Variants in PLXNA4 observed in about 807,000 individuals in gnomAD.
PLXNA4 encodes plexin A4.
PLXNA4 carries 44 observed loss-of-function variants against 191.8 expected under a neutral mutation model. That is an observed-to-expected ratio of 0.23 (90% CI 0.18 to 0.29). The LOEUF (loss-of-function observed/expected upper bound fraction) is 0.29, where lower values mean the gene tolerates loss of function less well. PLXNA4 is among the 10% of genes least tolerant of loss of function. The probability of loss-of-function intolerance (pLI) is 1.00; values close to 1 mark genes in which losing one functional copy is unlikely to be tolerated. For missense variants in PLXNA4, 1,800 were observed against 2,488.8 expected, an observed-to-expected ratio of 0.72 and a Z score of 5.89; for synonymous variants, 1,082 against 1,009.5, an observed-to-expected ratio of 1.07 and a Z score of -1.36.
chr7:132,346,251 G>T (rs2116774839), intron 3 of PLXNA4, among the ~76,000 whole-genome samples: 1 of 152,322 alleles, frequency 6.6e-6, no homozygotes, highest in Non-Finnish European at 1.5e-5. Flanking sequence ...ATATGTCATA[G>T]CTTTAATGAA....
At chr7:132,295,811 C>G (rs1405344449) in intron 4 of PLXNA4, among the ~76,000 whole-genome samples, 1 of 152,166 alleles carries the variant, frequency 6.6e-6, no homozygotes, top group Admixed American at 6.5e-5. Flanking sequence ...AAACAAGAGT[C>G]TCTCCATTTA....
At chr7:132,254,989 CA>C (rs1799384515) in intron 4 of PLXNA4, among the ~76,000 whole-genome samples, 1 of 152,072 alleles carries the variant, frequency 6.6e-6, no homozygotes, top group South Asian at 2.1e-4. Flanking sequence ...GGCCCATTCT[CA>C]GGGGGGGTGG....
chr7:132,478,940 C>T (rs1797231002), intron 3 of PLXNA4, among the ~76,000 whole-genome samples: 1 of 152,082 alleles, frequency 6.6e-6, no homozygotes. Flanking sequence ...GAAGCCTTCT[C>T]CAGCAGGGGA....
chr7:132,594,918 GATAGATAGATAGA>G (rs1802669996), intron 2 of PLXNA4, among the ~76,000 whole-genome samples: 3 of 36,330 alleles, frequency 8.3e-5, no homozygotes, highest in Admixed American at 3.3e-4. Flanking sequence ...TAGGTAGATA[GATAGATAGATAGA>G]TAGATAGATA....
chr7:132,220,179 T>C (rs978082322), intron 9 of PLXNA4, among the ~76,000 whole-genome samples: 1 of 152,216 alleles, frequency 6.6e-6, no homozygotes, highest in Non-Finnish European at 1.5e-5. Context: ...CTGAGGACAA[T>C]GACCTCCTTT....
At chr7:132,496,634 T>C (rs1258277893) in intron 2 of PLXNA4, among the ~76,000 whole-genome samples, 1 of 152,152 alleles carries the variant, frequency 6.6e-6, no homozygotes, top group Non-Finnish European at 1.5e-5. Context: ...ACTCCTGCCC[T>C]TGTGATCCGT....
chr7:132,210,426 C>T (rs868388988), intron 10 of PLXNA4, among the ~76,000 whole-genome samples: 5 of 152,300 alleles, frequency 3.3e-5, no homozygotes, highest in South Asian at 4.1e-4. Context: ...ATCTAAGCAG[C>T]GCTCTCCTAG....
intron 3 of PLXNA4, among the ~76,000 whole-genome samples, chr7:132,365,364 T>TGCGCGCGCGC (rs10690790): frequency 4.8e-5 from 7 of 147,214 alleles, no homozygotes; most frequent in South Asian, 2.2e-4. Context: ...TGTGTGTGCG[T>TGCGCGCGCGC]GCGCGCGCAT....
chr7:132,498,549 C>T (rs1393224396), intron 2 of PLXNA4, among the ~76,000 whole-genome samples: 2 of 152,186 alleles, frequency 1.3e-5, no homozygotes, highest in African/African-American at 4.8e-5. Context: ...CACCAGGTCC[C>T]TCCCACAACA....
intron 3 of PLXNA4, among the ~76,000 whole-genome samples, chr7:132,300,019 C>A (rs1194816250): frequency 6.6e-6 from 1 of 152,160 alleles, no homozygotes; most frequent in East Asian, 1.9e-4. Context: ...ATCGCTGAGC[C>A]ACTGAATCAA....
chr7:132,392,554 C>T (rs1236648197), intron 3 of PLXNA4, among the ~76,000 whole-genome samples: 1 of 152,228 alleles, frequency 6.6e-6, no homozygotes, highest in East Asian at 1.9e-4. Context: ...GCAGGTGATG[C>T]TCCAGGCAGG....
intron 3 of PLXNA4, among the ~76,000 whole-genome samples, chr7:132,391,909 C>G (rs1793506426): frequency 6.6e-6 from 1 of 151,998 alleles, no homozygotes; most frequent in Admixed American, 6.6e-5. Flanking sequence ...GGTGGATCAC[C>G]TGAGGTCAGG....
intron 3 of PLXNA4, among the ~76,000 whole-genome samples, chr7:132,375,291 C>T (rs143559707): frequency 5.0e-5 from 7 of 140,046 alleles, no homozygotes; most frequent in Non-Finnish European, 9.1e-5. Flanking sequence ...CGCCCCCCCC[C>T]ACGCCCCAGC....
At chr7:132,376,201 G>C (rs1804651639) in intron 3 of PLXNA4, among the ~76,000 whole-genome samples, 1 of 152,154 alleles carries the variant, frequency 6.6e-6, no homozygotes, top group Non-Finnish European at 1.5e-5. Context: ...TCATCACCAG[G>C]GATCCCAGCA....
chr7:132,619,126 T>C (rs904797357), intron 2 of PLXNA4, among the ~76,000 whole-genome samples: 9 of 152,306 alleles, frequency 5.9e-5, no homozygotes, highest in African/African-American at 2.2e-4. Context: ...AAAAACCTTC[T>C]TAACCAAGAT....
intron 3 of PLXNA4, among the ~76,000 whole-genome samples, chr7:132,461,921 A>G (rs972035969): frequency 1.3e-5 from 2 of 152,286 alleles, no homozygotes; most frequent in African/African-American, 2.4e-5. Context: ...TAGGGGACAA[A>G]TCAAAATTAA....
chr7:132,628,358 C>T (rs978259436), intron 2 of PLXNA4, among the ~76,000 whole-genome samples: 1 of 150,244 alleles, frequency 6.7e-6, no homozygotes, highest in African/African-American at 2.5e-5. Flanking sequence ...CTCGCTCTCT[C>T]TCTCTCTCTG....
Position 132,555,190 on chromosome 7 carries a change from C to T in PLXNA4, c.-87+21232G>A, listed in dbSNP as rs80019366. On this transcript the variant is annotated intron_variant, in intron 1 of 31. Transcript: ENST00000321063. ...TCTGAGCACAGATTGAATATATAAA[C>T]GTGGCTGTTAATTCTAGACTCTGAG... Among the ~76,000 whole-genome samples the T allele has an allele frequency of 9.9e-3, 1,508 of 152,156 alleles. 23 individuals are homozygous for T. Among genetic ancestry groups the T allele is most frequent in the African/African-American group, 0.034 (1,424 of 41,516 alleles).
At chr7:132,455,140 T>TCA (rs1796266131) in intron 3 of PLXNA4, among the ~76,000 whole-genome samples, 3 of 152,294 alleles carry the variant, frequency 2.0e-5, no homozygotes, top group Admixed American at 6.5e-5. Context: ...CTGTTTGCAC[T>TCA]CACACACACT....
Sources: gnomAD v4.1 joint callset for allele counts (sites outside exome capture counted in the v4.1 genomes callset) on GRCh38, gnomAD v4.1.1 for gene constraint, MANE v1.5 for transcripts, NCBI Gene and HGNC (gene_info 2026-07-23, HGNC 2026-07-21) for gene names.